Variants in BPIFB4 observed in about 807,000 individuals in gnomAD.
BPIFB4 encodes BPI fold containing family B member 4, also known as BPI fold-containing family B member 4.
In BPIFB4, 62 loss-of-function variants were observed where a neutral mutation model predicts 69.2. The ratio of observed to expected loss-of-function variants is 0.90; its 90% confidence interval spans 0.73 to 1.11. BPIFB4 has a LOEUF of 1.11. Among genes scored for constraint, BPIFB4 ranks in the 50% least tolerant of loss-of-function variants. The probability of loss-of-function intolerance (pLI) is 0.00; values close to 1 mark genes in which losing one functional copy is unlikely to be tolerated. For synonymous variants in BPIFB4, 330 were observed against 332.7 expected, an observed-to-expected ratio of 0.99 and a Z score of 0.09; for missense variants, 789 against 792.0, an observed-to-expected ratio of 1.00 and a Z score of 0.04.
At chr20:33,085,356 G>T (rs998568627) in intron 6 of BPIFB4, among the ~76,000 whole-genome samples, 2 of 152,248 alleles carry the variant, frequency 1.3e-5, no homozygotes, top group African/African-American at 4.8e-5. Context: ...TTGGGAGGCT[G>T]AGGCAGGAGA....
At position 33,092,510 on chromosome 20, in the gene BPIFB4, C is replaced by T; in HGVS notation, c.1196C>T (p.Pro399Leu). ...CTCATCGACTACCCATTGGGGTGGC[C>T]AGCTGTGTCTCCCAAGCCGATGCCA... ...GGLIDYPLGW[P>L]AVSPKPMPEL... Residue 399 changes from proline (P) to leucine (L), a missense_variant, in exon 11 of 18, where the codon CCA (proline) becomes CTA (leucine). Transcript: ENST00000375483. The T allele has an allele frequency of 1.2e-6, 2 of 1,614,106 alleles. No homozygotes were observed. The highest frequency in any genetic ancestry group is 1.7e-6 in the Non-Finnish European group (2 of 1,180,022).
rs1336620231 is a variant in BPIFB4 at position 33,081,633 on chromosome 20, G to A, written c.106+1G>A. ...GTGACGAAAGATGTGTTGAGCAATGGTGAGTCCAGCCCCAAAGGGGTGAGG... is the reference window on the plus strand; with the variant it reads ...GTGACGAAAGATGTGTTGAGCAATGATGAGTCCAGCCCCAAAGGGGTGAGG... On this transcript the variant is annotated splice_donor_variant, in intron 3 of 17. Coordinates refer to ENST00000375483, the MANE Select transcript of BPIFB4 (RefSeq NM_182519.3). LOFTEE classifies it high-confidence loss of function. The A allele has an allele frequency of 1.9e-6, 3 of 1,551,660 alleles. No homozygotes were observed. Among genetic ancestry groups the A allele is most frequent in the Non-Finnish European group, 2.6e-6 (3 of 1,147,004 alleles).
chr20:33,100,319 T>C, intron 13 of BPIFB4, 107 bp from the exon 14 acceptor site: 1 of 907,040 alleles, frequency 1.1e-6, no homozygotes, highest in Non-Finnish European at 1.7e-6. Context: ...GCCATCATGC[T>C]CAGGGTTAAC....
At position 33,095,118 on chromosome 20, in the gene BPIFB4, C is replaced by T. The variant is rs148333165; in HGVS notation, c.1363C>T (p.Leu455Phe). The change falls in exon 12 of 18, where the codon CTT (leucine) becomes TTT (phenylalanine). Residue 455 changes from leucine (L) to phenylalanine (F), a missense_variant. This residue lies in a region of BPIFB4 where 8 missense variants were observed against 23.0 expected (regional missense o/e 0.35). Transcript: ENST00000375483. The stretch of plus-strand genomic sequence containing the variant: ...CCTATAGTTTGAAGAGCTTCCTCCA[C>T]TTACCACAGCCACACTGGGAGCCCT... ...TNGMFEELPPLTTATLGALIP... is the reference protein window; with the variant it reads ...TNGMFEELPPFTTATLGALIP... The T allele has an allele frequency of 1.2e-6, 2 of 1,613,006 alleles. No homozygotes were observed. Among genetic ancestry groups the T allele is most frequent in the South Asian group, 1.1e-5 (1 of 91,064 alleles).
chr20:33,080,880 G>T lies in BPIFB4; in HGVS notation c.-16+304G>T, dbSNP rs142824384. On this transcript the variant is annotated intron_variant, in intron 2 of 17. Coordinates refer to ENST00000375483, the MANE Select transcript of BPIFB4 (RefSeq NM_182519.3). Reference sequence around the variant, plus strand: ...TGGATGATAGATATATGGGAAGATGGATGGATGGTGGGATGGGTGGACAGA... The same window carrying T: ...TGGATGATAGATATATGGGAAGATGTATGGATGGTGGGATGGGTGGACAGA... Among the ~76,000 whole-genome samples the T allele has an allele frequency of 2.0e-5, 3 of 152,280 alleles. No homozygotes were observed. The East Asian group carries it at 5.8e-4, about 29-fold the overall frequency.
Position 33,102,422 on chromosome 20 carries a change from A to G in BPIFB4, c.1638-550A>G, listed in dbSNP as rs142677639. Among the ~76,000 whole-genome samples the G allele has an allele frequency of 1.0e-3, 153 of 152,336 alleles. 1 individual carries two copies. In the East Asian group the frequency reaches 0.014, roughly 14 times the overall value. ...AGCAAGACGGAGGCCCTTATAGAGC[A>G]GAGCGAGACCTCAAACCCCGGCCTC... On this transcript the variant is annotated intron_variant, in intron 14 of 17. Transcript: ENST00000375483.
At position 33,107,826 on chromosome 20, in the gene BPIFB4, A is replaced by G; in HGVS notation, c.1821+6A>G. On this transcript the variant is annotated splice_donor_region_variant and intron_variant, in intron 17 of 17. Coordinates refer to ENST00000375483, the MANE Select transcript of BPIFB4 (RefSeq NM_182519.3). ...CAGACATTGACGTGTTGGAGGTAAG[A>G]GGAGATCGAGCTCCATTCTGCTTTT... 1 of 1,612,872 alleles carries G rather than the reference A, an allele frequency of 6.2e-7. No homozygotes were observed. The highest frequency in any genetic ancestry group is 8.5e-7 in the Non-Finnish European group (1 of 1,178,946).
chr20:33,106,227 C>T (rs1053281454), intron 16 of BPIFB4, among the ~76,000 whole-genome samples: 2 of 152,166 alleles, frequency 1.3e-5, no homozygotes, highest in Non-Finnish European at 2.9e-5. Context: ...TAGGCTCTGA[C>T]AATCTGAAAA....
chr20:33,090,863 AG>A (rs1981580891), intron 10 of BPIFB4, 64 bp downstream of exon 10: 2 of 1,587,482 alleles, frequency 1.3e-6, no homozygotes, highest in South Asian at 1.1e-5. Context: ...AGTATCAGTG[AG>A]GCCCTCCCAG....
At chr20:33,099,043 G>A (rs562829068) in intron 13 of BPIFB4, among the ~76,000 whole-genome samples, 155 of 151,136 alleles carry the variant, frequency 1.0e-3, no homozygotes, top group African/African-American at 3.4e-3. Flanking sequence ...CCTAGGCTAC[G>A]GTCTAGCTTA....
chr20:33,085,130 C>A (rs1007964358), intron 6 of BPIFB4, 134 bp downstream of exon 6: 5 of 1,461,510 alleles, frequency 3.4e-6, no homozygotes, highest in Admixed American at 4.5e-5. Context: ...CATCTGTCAG[C>A]GGTGAAAACA....
chr20:33,094,330 G>A (rs890347379), intron 11 of BPIFB4, among the ~76,000 whole-genome samples: 2 of 152,168 alleles, frequency 1.3e-5, no homozygotes, highest in African/African-American at 4.8e-5. Flanking sequence ...TCCATTTTGA[G>A]TATTTGAGGT....
chr20:33,099,230 C>A (rs1239424707), intron 13 of BPIFB4, among the ~76,000 whole-genome samples: 1 of 152,090 alleles, frequency 6.6e-6, no homozygotes, highest in Non-Finnish European at 1.5e-5. Flanking sequence ...AGCTTGAGAC[C>A]AAATAAGCCA....
At chr20:33,091,269 TA>T (rs531701186) in intron 10 of BPIFB4, among the ~76,000 whole-genome samples, 9 of 152,064 alleles carry the variant, frequency 5.9e-5, no homozygotes, top group African/African-American at 1.4e-4. Flanking sequence ...TCTCCATGAT[TA>T]AAAAAAAGTC....
Position 33,087,863 on chromosome 20 carries a change from A to C in BPIFB4, c.927-1103A>C, listed in dbSNP as rs902835995. On this transcript the variant is annotated intron_variant, in intron 7 of 17. Transcript: ENST00000375483. Reference sequence around the variant, plus strand: ...TGAATCCACTTAAAAGGGGGACCGAAATGCATAGTTAGCTTTGGGAGAAAT... The same window carrying C: ...TGAATCCACTTAAAAGGGGGACCGACATGCATAGTTAGCTTTGGGAGAAAT... 2.6e-5 allele frequency among the ~76,000 whole-genome samples: 4 copies of C among 152,122 alleles called. No homozygotes were observed. The East Asian group carries it at 7.7e-4, about 29-fold the overall frequency.
rs1218418708 is a variant in BPIFB4 at position 33,093,778 on chromosome 20, TCCATCCACCCAC to T, written c.1344+1132_1344+1143del. On this transcript the variant is annotated intron_variant, in intron 11 of 17. Transcript: ENST00000375483. The stretch of plus-strand genomic sequence containing the variant: ...ACCTATCCATCTATCCATTTATCTA[TCCATCCACCCAC>T]CCATCCACCCATCTATCCACCCATT... 6.0e-5 allele frequency among the ~76,000 whole-genome samples: 9 copies of T among 150,792 alleles called. No homozygotes were observed. The South Asian group carries it at 1.9e-3, about 32-fold the overall frequency.
At position 33,092,450 on chromosome 20, in the gene BPIFB4, T is replaced by C. The variant is rs773850988; in HGVS notation, c.1144-8T>C. On this transcript the variant is annotated splice_polypyrimidine_tract_variant and splice_region_variant and intron_variant, in intron 10 of 17. Transcript: ENST00000375483. ...TCCCTGTGACCCCTTTCTTCTCTTC[T>C]CCCCCAGACGCTGGTTGGGGAGGCT... is the stretch of plus-strand genomic sequence containing the variant. 2 of 1,609,172 alleles carry C rather than the reference T, an allele frequency of 1.2e-6. No homozygotes were observed. Among genetic ancestry groups the C allele is most frequent in the South Asian group, 2.2e-5 (2 of 90,890 alleles).
rs1200960725 is a variant in BPIFB4 at position 33,092,586 on chromosome 20, C to T, written c.1272C>T (p.Ala424=). 1 of 1,613,854 alleles carries T rather than the reference C, an allele frequency of 6.2e-7. No homozygotes were observed. Among genetic ancestry groups the T allele is most frequent in the East Asian group, 2.2e-5 (1 of 44,900 alleles). ...DNTKSQLAMS[A]NFLGSVLTLL... Reference sequence around the variant, plus strand: ...CCAAGTCCCAGCTGGCCATGTCTGCCAACTTCCTGGGCTCAGTGCTGACTC... The same window carrying T: ...CCAAGTCCCAGCTGGCCATGTCTGCTAACTTCCTGGGCTCAGTGCTGACTC... Residue 424 remains alanine, a synonymous_variant, in exon 11 of 18, where the codon GCC becomes GCT. Transcript: ENST00000375483.
At chr20:33,084,055 C>T (rs147913989) in intron 5 of BPIFB4, among the ~76,000 whole-genome samples, 181 bp downstream of exon 5, 51 of 152,260 alleles carry the variant, frequency 3.3e-4, no homozygotes, top group Admixed American at 9.1e-4. Context: ...TGGCATGAAA[C>T]AGTCCTAAGT....
Sources: gnomAD v4.1 joint callset for allele counts (sites outside exome capture counted in the v4.1 genomes callset) on GRCh38, gnomAD v4.1.1 for gene constraint, gnomAD v4.1.1 regional missense constraint, MANE v1.5 for transcripts, NCBI Gene and HGNC (gene_info 2026-07-23, HGNC 2026-07-21) for gene names.